NPAS3: variants seen among roughly 807,000 people sequenced by gnomAD.
NPAS3 encodes neuronal PAS domain-containing protein 3.
Under a neutral mutation model 73.1 loss-of-function variants are expected in NPAS3, and 14 were observed. The observed-to-expected ratio is 0.19, with a 90% CI of 0.13 to 0.30. The LOEUF (loss-of-function observed/expected upper bound fraction) is 0.30, where lower values mean the gene tolerates loss of function less well. Ranked by LOEUF, NPAS3 falls within the 10% of genes least tolerant of loss-of-function variation. The pLI is 1.00. For missense variants in NPAS3, 1,096 were observed against 1,250.0 expected, an observed-to-expected ratio of 0.88 and a Z score of 1.86; for synonymous variants, 620 against 541.5, an observed-to-expected ratio of 1.14 and a Z score of -2.01.
At chr14:33,243,248 A>AGG (rs553078359) in intron 3 of NPAS3, among the ~76,000 whole-genome samples, 19 of 152,218 alleles carry the variant, frequency 1.2e-4, no homozygotes, top group Non-Finnish European at 2.6e-4. Context: ...AAGCCTCATC[A>AGG]GAGAAAGTTT....
In NPAS3 at chr14:33,566,445, C is replaced by T. The variant is rs559955422; in HGVS notation, c.558+6235C>T. Among the ~76,000 whole-genome samples the T allele has an allele frequency of 1.3e-5, 2 of 152,214 alleles. 1 individual carries two copies. The highest frequency in any genetic ancestry group is 3.9e-4 in the East Asian group (2 of 5,166). ...GATATTGAACTGCTCGTTCTTCCCC[C>T]CTTTTCCTTCCACCCCACCCTTCCA... On this transcript the variant is annotated intron_variant, in intron 5 of 11. Coordinates refer to ENST00000356141, the Ensembl canonical transcript of NPAS3.
chr14:33,091,544 C>T (rs148272489), intron 2 of NPAS3, among the ~76,000 whole-genome samples: 60 of 152,202 alleles, frequency 3.9e-4, no homozygotes, highest in Non-Finnish European at 7.5e-4. Context: ...GATTCACAGC[C>T]GAATTCTACC....
chr14:33,233,299 T>C (rs2047918752), intron 3 of NPAS3, among the ~76,000 whole-genome samples: 1 of 152,162 alleles, frequency 6.6e-6, no homozygotes, highest in Non-Finnish European at 1.5e-5. Context: ...ATGAATGGCC[T>C]TTAGCATAGC....
chr14:33,090,360 A>T (rs1210931822), intron 2 of NPAS3, among the ~76,000 whole-genome samples: 1 of 152,230 alleles, frequency 6.6e-6, no homozygotes, highest in African/African-American at 2.4e-5. Context: ...AGTCTCTGAT[A>T]AAACAGACTT....
chr14:33,287,418 G>A (rs774953213), intron 3 of NPAS3, among the ~76,000 whole-genome samples: 1 of 151,960 alleles, frequency 6.6e-6, no homozygotes, highest in East Asian at 1.9e-4. Context: ...TGGGAAGGTG[G>A]GGGTGTGAGC....
At chr14:33,157,897 T>C (rs889464594) in intron 2 of NPAS3, among the ~76,000 whole-genome samples, 1 of 152,184 alleles carries the variant, frequency 6.6e-6, no homozygotes, top group African/African-American at 2.4e-5. Flanking sequence ...TTGTGAAGAT[T>C]ACACGAAGAT....
intron 6 of NPAS3, among the ~76,000 whole-genome samples, chr14:33,688,342 A>G (rs2140395497): frequency 6.6e-6 from 1 of 152,308 alleles, no homozygotes; most frequent in South Asian, 2.1e-4. Flanking sequence ...AGATCAATAA[A>G]CCTATGTTTT....
intron 3 of NPAS3, among the ~76,000 whole-genome samples, chr14:33,295,799 A>G (rs1319348244): frequency 6.6e-6 from 1 of 152,238 alleles, no homozygotes; most frequent in African/African-American, 2.4e-5. Context: ...GCTAGCTGAG[A>G]GTTCAAGATA....
intron 4 of NPAS3, among the ~76,000 whole-genome samples, chr14:33,411,031 T>C (rs1403698572): frequency 6.6e-6 from 1 of 152,174 alleles, no homozygotes; most frequent in Non-Finnish European, 1.5e-5. Flanking sequence ...CCCAGACTTA[T>C]CAGTCCTACT....
At chr14:33,438,054 A>G (rs1431282650) in intron 4 of NPAS3, among the ~76,000 whole-genome samples, 1 of 152,240 alleles carries the variant, frequency 6.6e-6, no homozygotes, top group Non-Finnish European at 1.5e-5. Flanking sequence ...AATACACTGT[A>G]TCGCGTTTGG....
chr14:33,633,565 C>G (rs917501929), intron 5 of NPAS3, among the ~76,000 whole-genome samples: 2 of 152,204 alleles, frequency 1.3e-5, no homozygotes, highest in African/African-American at 4.8e-5. Context: ...TACTGTACTG[C>G]ATACTGTAGG....
chr14:33,799,825 G>A, exon 12 of NPAS3: 1 of 1,614,040 alleles, frequency 6.2e-7, no homozygotes. Context: ...CGGGCAACGC[G>A]TGTGACAACG....
intron 3 of NPAS3, among the ~76,000 whole-genome samples, chr14:33,320,142 G>A (rs1023446006): frequency 6.6e-6 from 1 of 152,114 alleles, no homozygotes; most frequent in African/African-American, 2.4e-5. Flanking sequence ...AAAGGGAATG[G>A]CATGAACATC....
chr14:33,398,956 C>A (rs957422300), intron 4 of NPAS3, among the ~76,000 whole-genome samples: 4 of 151,988 alleles, frequency 2.6e-5, no homozygotes, highest in Non-Finnish European at 4.4e-5. Flanking sequence ...TGATTACAAG[C>A]CTTTCACACT....
intron 4 of NPAS3, among the ~76,000 whole-genome samples, chr14:33,379,722 G>GTT (rs1221572240): frequency 6.6e-6 from 1 of 152,110 alleles, no homozygotes; most frequent in Non-Finnish European, 1.5e-5. Flanking sequence ...AATGTGCATC[G>GTT]TTTCTCAAAC....
chr14:33,432,156 G>A (rs2048811767), intron 4 of NPAS3, among the ~76,000 whole-genome samples: 2 of 152,098 alleles, frequency 1.3e-5, no homozygotes, highest in South Asian at 4.1e-4. Flanking sequence ...CCTCCACTGG[G>A]CAGAAGGGAG....
chr14:33,756,155 T>G (rs2062109983), intron 7 of NPAS3, among the ~76,000 whole-genome samples: 1 of 152,206 alleles, frequency 6.6e-6, no homozygotes, highest in Non-Finnish European at 1.5e-5. Context: ...GAAAGCTTTA[T>G]GTATCCCTCT....
intron 5 of NPAS3, among the ~76,000 whole-genome samples, chr14:33,561,791 A>G (rs150880907): frequency 4.2e-4 from 64 of 152,358 alleles, no homozygotes; most frequent in Non-Finnish European, 8.7e-4. Flanking sequence ...GTGAATAATT[A>G]GTTTAAGCAG....
chr14:33,695,315 C>T (rs1265089214), intron 6 of NPAS3, among the ~76,000 whole-genome samples: 1 of 152,166 alleles, frequency 6.6e-6, no homozygotes, highest in East Asian at 1.9e-4. Flanking sequence ...ATGTCCACTG[C>T]TTAATTCCTA....
Sources: allele counts gnomAD v4.1 joint callset (sites outside exome capture counted in the v4.1 genomes callset), GRCh38; gene constraint gnomAD v4.1.1; transcripts MANE v1.5; gene names NCBI Gene and HGNC (gene_info 2026-07-23, HGNC 2026-07-21).